NUP153: variants seen among roughly 807,000 people sequenced by gnomAD.
NUP153 encodes nuclear pore complex protein Nup153.
A neutral mutation model predicts 134.6 loss-of-function variants in NUP153; 27 were observed. The ratio of observed to expected loss-of-function variants is 0.20; its 90% CI spans 0.15 to 0.28. The LOEUF is 0.28. NUP153 is among the 10% of genes least tolerant of loss of function. NUP153 has a pLI of 1.00. For missense variants in NUP153, 1,821 were observed against 1,731.3 expected (o/e 1.05, Z -0.92); for synonymous variants, 640 against 623.5 (o/e 1.03, Z -0.40).
At chr6:17,670,842 A>G (rs1458314358) in intron 5 of NUP153, among the ~76,000 whole-genome samples, 2 of 151,950 alleles carry the variant, frequency 1.3e-5, no homozygotes, top group African/African-American at 4.8e-5. Flanking sequence ...ACAGAGTCTC[A>G]GTCTGTTGCC....
chr6:17,669,135 G>C, intron 7 of NUP153, 107 bp from the exon 8 acceptor site: 2 of 1,024,346 alleles, frequency 2.0e-6, no homozygotes, highest in Non-Finnish European at 2.9e-6. Context: ...CTGGAGTGCA[G>C]TGGCGCGATC....
intron 20 of NUP153, among the ~76,000 whole-genome samples, chr6:17,618,813 G>A (rs757532068): frequency 2.2e-4 from 33 of 152,252 alleles, no homozygotes; most frequent in Middle Eastern, 3.4e-3. Flanking sequence ...TGATCTGCCC[G>A]CCTTGGCCTC....
chr6:17,693,195 C>CACACACAG (rs1004546860), intron 1 of NUP153, among the ~76,000 whole-genome samples: 3 of 148,364 alleles, frequency 2.0e-5, no homozygotes, highest in Admixed American at 2.0e-4. Context: ...CACACACACA[C>CACACACAG]ACACACACAC....
chr6:17,633,808 C>CTCTA (rs1338000357), intron 16 of NUP153, among the ~76,000 whole-genome samples: 1 of 152,188 alleles, frequency 6.6e-6, no homozygotes, highest in Non-Finnish European at 1.5e-5. Context: ...CCTAACTGAT[C>CTCTA]TCTACATTTT....
chr6:17,676,720 A>C (rs1486393614), intron 2 of NUP153, among the ~76,000 whole-genome samples: 1 of 152,170 alleles, frequency 6.6e-6, no homozygotes, highest in Non-Finnish European at 1.5e-5. Context: ...GAGCCCTACG[A>C]TTACCCAGCT....
chr6:17,664,446 C>T lies in NUP153; in HGVS notation c.1215+793G>A, dbSNP rs73723002. On this transcript the variant is annotated intron_variant, in intron 9 of 21. Coordinates refer to ENST00000262077, the MANE Select transcript of NUP153 (RefSeq NM_005124.4). The stretch of plus-strand genomic sequence containing the variant: ...GGGTTTGAGGTCTGGAAAAACAAAA[C>T]CAAAAGCAGTATCTGAACCTTGCTC... 6.7e-3 allele frequency among the ~76,000 whole-genome samples: 1,019 copies of T among 152,174 alleles called. 13 individuals are homozygous for T. Among genetic ancestry groups the T allele is most frequent in the African/African-American group, 0.023 (938 of 41,502 alleles).
chr6:17,651,403 GAAC>G (rs1246644365), intron 11 of NUP153, among the ~76,000 whole-genome samples: 36 of 151,814 alleles, frequency 2.4e-4, no homozygotes, highest in Non-Finnish European at 4.4e-5. Flanking sequence ...CTTTCAAAAG[GAAC>G]AACAGAAAAC....
At chr6:17,681,728 T>C (rs928250937) in intron 2 of NUP153, among the ~76,000 whole-genome samples, 1 of 152,226 alleles carries the variant, frequency 6.6e-6, no homozygotes, top group South Asian at 2.1e-4. Flanking sequence ...GGTTGAAATG[T>C]TTCCCAGGGT....
intron 20 of NUP153, among the ~76,000 whole-genome samples, chr6:17,620,188 T>C (rs1190814092): frequency 7.3e-6 from 1 of 137,014 alleles, no homozygotes; most frequent in African/African-American, 2.8e-5. Context: ...GCTAAAGCAA[T>C]CCTGAGCAAA....
intron 5 of NUP153, among the ~76,000 whole-genome samples, chr6:17,671,563 G>A (rs1767910511): frequency 6.6e-6 from 1 of 152,062 alleles, no homozygotes; most frequent in African/African-American, 2.4e-5. Flanking sequence ...AACAAAATAT[G>A]TTCGAGATCT....
intron 1 of NUP153, among the ~76,000 whole-genome samples, chr6:17,696,008 CA>C (rs113118202): frequency 0.017 from 2,265 of 134,270 alleles, 72 homozygotes; most frequent in African/African-American, 0.058. Flanking sequence ...GACTCCGTCT[CA>C]AAAAAAAAAA....
intron 12 of NUP153, among the ~76,000 whole-genome samples, chr6:17,648,226 C>A (rs1411416495): frequency 6.6e-6 from 1 of 152,204 alleles, no homozygotes; most frequent in Non-Finnish European, 1.5e-5. Flanking sequence ...TGCCTCACAC[C>A]TGTGATCCCA....
chr6:17,635,104 C>CTTTTTTTTTT (rs59700511), intron 16 of NUP153, among the ~76,000 whole-genome samples: 2 of 104,262 alleles, frequency 1.9e-5, no homozygotes, highest in Non-Finnish European at 3.6e-5. Flanking sequence ...CTTGGCTTAT[C>CTTTTTTTTTT]TTTTTTTTTT....
At chr6:17,657,380 T>TAAAATAAA (rs1256878528) in intron 11 of NUP153, among the ~76,000 whole-genome samples, 2 of 131,894 alleles carry the variant, frequency 1.5e-5, no homozygotes, top group Non-Finnish European at 3.3e-5. Context: ...CCGTCTCTAC[T>TAAAATAAA]AAAATAAAAA....
At chr6:17,620,095 CAAAAAAA>C (rs58013807) in intron 20 of NUP153, among the ~76,000 whole-genome samples, 4 of 63,000 alleles carry the variant, frequency 6.3e-5, no homozygotes, top group African/African-American at 1.6e-4. Context: ...AAGACACCAT[CAAAAAAA>C]AAAAAAAAAA....
At position 17,625,024 on chromosome 6, in the gene NUP153, T is replaced by C. The variant is rs911193478; in HGVS notation, c.3902-191A>G. On this transcript the variant is annotated intron_variant, in intron 19 of 21. Transcript: ENST00000262077. This position sits in a 1 kb window ranked among gnomAD's most constrained non-coding sequence, Gnocchi z 4.7. Reference sequence around the variant, plus strand: ...CTCTCTACCATTATTTAGTGAAACATACTAAATTCATATAAACAAAAACTG... The same window carrying C: ...CTCTCTACCATTATTTAGTGAAACACACTAAATTCATATAAACAAAAACTG... Among the ~76,000 whole-genome samples the C allele has an allele frequency of 6.6e-6, 1 of 152,186 alleles. No individual in the cohort carries two copies. The highest frequency in any genetic ancestry group is 2.4e-5 in the African/African-American group (1 of 41,438).
rs530176120 is a variant in NUP153 at position 17,665,167 on chromosome 6, A to C, written c.1215+72T>G. On this transcript the variant is annotated intron_variant, in intron 9 of 21. Transcript: ENST00000262077. ...CAGTTGCTAGAATACAATGGTAGTT[A>C]TATTTTACATTATTTAGTCTTACTT... The C allele has an allele frequency of 2.7e-5, 31 of 1,140,304 alleles. 1 individual carries two copies. In the South Asian group the frequency reaches 4.7e-4, roughly 17 times the overall value. The allele number at this position is 1,140,304 out of a possible 1,614,324, so 70.6% of individuals were successfully genotyped here. A position where few individuals can be genotyped will look rare whatever the true frequency, so the allele number is the denominator to read the frequency against.
rs534427739 is a variant in NUP153 at position 17,701,216 on chromosome 6, ACT to A, written c.111+5059_111+5060del. On this transcript the variant is annotated intron_variant, in intron 1 of 21. Transcript: ENST00000262077. The stretch of plus-strand genomic sequence containing the variant: ...CTCCAGCCTGGGCAACAAGAGCGAA[ACT>A]CTGTCTAAAAAAAAAAAAAAAGCTA... Among the ~76,000 whole-genome samples, 1,314 of 144,778 alleles carry A rather than the reference ACT, an allele frequency of 9.1e-3. 11 individuals carry two copies. The highest frequency in any genetic ancestry group is 0.016 in the Middle Eastern group (4 of 254). 95.0% of individuals were successfully genotyped at this position (144,778 alleles called of 152,430 possible). A position where few individuals can be genotyped will look rare whatever the true frequency, so the allele number is the denominator to read the frequency against.
intron 16 of NUP153, 32 bp from the exon 17 acceptor site, chr6:17,632,876 GGA>G: frequency 6.8e-7 from 1 of 1,471,302 alleles, no homozygotes; most frequent in Non-Finnish European, 9.1e-7. Flanking sequence ...GGGAGTGGGG[GGA>G]GATTTCATGA....
Sources: gnomAD v4.1 joint callset for allele counts (sites outside exome capture counted in the v4.1 genomes callset) on GRCh38, gnomAD v4.1.1 for gene constraint, Gnocchi (gnomAD v3.1) non-coding constraint, MANE v1.5 for transcripts, NCBI Gene and HGNC (gene_info 2026-07-23, HGNC 2026-07-21) for gene names.